The following SEPTIN9 variants were observed in gnomAD, a reference collection of about 807,000 sequenced individuals.
SEPTIN9 encodes septin-9.
SEPTIN9 carries 13 observed loss-of-function variants against 56.6 expected under a neutral mutation model. The ratio of observed to expected loss-of-function variants is 0.23; its 90% confidence interval spans 0.15 to 0.37. The LOEUF (loss-of-function observed/expected upper bound fraction) is 0.37. SEPTIN9 is among the 10% of genes least tolerant of loss of function. SEPTIN9 has a pLI of 1.00. For synonymous variants in SEPTIN9, 332 were observed against 334.1 expected (o/e 0.99, Z 0.07); for missense variants, 650 against 823.1 (o/e 0.79, Z 2.57).
intron 2 of SEPTIN9, among the ~76,000 whole-genome samples, chr17:77,351,755 G>A (rs1364752347): frequency 1.3e-5 from 2 of 152,236 alleles, no homozygotes; most frequent in Non-Finnish European, 2.9e-5. Flanking sequence ...GGAAATCTGT[G>A]AAATAAAGCA....
intron 3 of SEPTIN9, among the ~76,000 whole-genome samples, chr17:77,432,851 A>AGCTGTGGCCT (rs1411085708): frequency 6.6e-6 from 1 of 152,220 alleles, no homozygotes; most frequent in African/African-American, 2.4e-5. Flanking sequence ...CTGACTTGTG[A>AGCTGTGGCCT]GCTGTGGCCT....
At chr17:77,349,935 G>A (rs1215871991) in intron 2 of SEPTIN9, among the ~76,000 whole-genome samples, 1 of 152,204 alleles carries the variant, frequency 6.6e-6, no homozygotes, top group Non-Finnish European at 1.5e-5. Context: ...TGCCATGAGT[G>A]TGTAAAACCT....
rs778253722 is a variant in SEPTIN9, at chr17:77,317,476, G to A, written c.76+10279G>A. 7.9e-5 allele frequency among the ~76,000 whole-genome samples: 12 copies of A among 152,158 alleles called. No individual in the cohort carries two copies. Among genetic ancestry groups the A allele is most frequent in the East Asian group, 3.9e-4 (2 of 5,194 alleles). ...TTGGATTCTTATAGGAGAGTGAACC[G>A]TATTGTGAACGGCACATGTGAGGGA... On this transcript the variant is annotated intron_variant, in intron 2 of 11. Transcript: ENST00000427177. This position sits in a 1 kb window ranked among gnomAD's most constrained non-coding sequence, Gnocchi z 4.2.
Position 77,493,023 on chromosome 17 carries a change from A to C in SEPTIN9, c.1520A>C (p.Gln507Pro). ...FAVVGSDHEY[Q>P]VNGKRILGRK... ...GTGGTGGGCAGTGACCACGAGTACC[A>C]GGTCAACGGCAAGAGGATCCTTGGG... Residue 507 changes from glutamine to proline, a missense_variant, in exon 10 of 12, where the codon CAG becomes CCG. Transcript: ENST00000427177. The C allele has an allele frequency of 6.4e-7, 1 of 1,571,016 alleles. No homozygotes were observed. The highest frequency in any genetic ancestry group is 8.6e-7 in the Non-Finnish European group (1 of 1,158,456).
At chr17:77,477,046 A>G (rs1158565395) in intron 3 of SEPTIN9, among the ~76,000 whole-genome samples, 1 of 152,124 alleles carries the variant, frequency 6.6e-6, no homozygotes, top group Non-Finnish European at 1.5e-5. Flanking sequence ...TCCACTAGAA[A>G]TGACTGCCTT....
At chr17:77,480,622 G>C (rs1200122583) in intron 3 of SEPTIN9, among the ~76,000 whole-genome samples, 1 of 152,222 alleles carries the variant, frequency 6.6e-6, no homozygotes, top group Non-Finnish European at 1.5e-5. Context: ...CACGGGGGAT[G>C]AGCCCCCTGC....
Position 77,475,992 on chromosome 17 carries a change from A to G in SEPTIN9, c.722-6152A>G. ...AAGACAGGGGAATGGCATTGACTTG[A>G]CCCTGAGCACTTTGTCCTGGGGTGC... On this transcript the variant is annotated intron_variant, in intron 3 of 11. Coordinates refer to ENST00000427177, the MANE Select transcript of SEPTIN9 (RefSeq NM_001113491.2). This position sits in a 1 kb window ranked among gnomAD's most constrained non-coding sequence, Gnocchi z 4.6. 9 of 1,382,624 alleles carry G rather than the reference A, an allele frequency of 6.5e-6. No homozygotes were observed. The highest frequency in any genetic ancestry group is 9.0e-6 in the Non-Finnish European group (9 of 1,001,664). 85.6% of individuals were successfully genotyped at this position (1,382,624 alleles called of 1,614,324 possible). A position where few individuals can be genotyped will look rare whatever the true frequency, so the allele number is the denominator to read the frequency against.
chr17:77,357,428 A>G (rs1036800517), intron 2 of SEPTIN9, among the ~76,000 whole-genome samples: 41 of 152,158 alleles, frequency 2.7e-4, no homozygotes, highest in African/African-American at 2.4e-5. Context: ...ACATTCAGCC[A>G]TCACCTAGAT....
At position 77,421,196 on chromosome 17, in the gene SEPTIN9, C is replaced by T. The variant is rs116924730; in HGVS notation, c.721+18493C>T. Among the ~76,000 whole-genome samples, 2,050 of 152,322 alleles carry T rather than the reference C, an allele frequency of 0.013. 36 individuals carry two copies. The highest frequency in any genetic ancestry group is 0.018 in the Non-Finnish European group (1,196 of 68,032). The stretch of plus-strand genomic sequence containing the variant: ...CCTTCCAGCTCTTTCCTGTGTAAGG[C>T]GCCATGGGGTGAAATGAAAGAAAAC... On this transcript the variant is annotated intron_variant, in intron 3 of 11. Coordinates refer to ENST00000427177, the MANE Select transcript of SEPTIN9 (RefSeq NM_001113491.2). This position sits in a 1 kb window ranked among gnomAD's most constrained non-coding sequence, Gnocchi z 4.6.
rs201471541 is a variant in SEPTIN9 at position 77,488,763 on chromosome 17, C to T, written c.1161C>T (p.Tyr387=). ...TCATGAAGTTCATCAATGACCAGTA[C>T]GAGAAATACCTGCAGGAGGAGGTCA... ...QPIMKFINDQ[Y]EKYLQEEVNI... is the part of the protein sequence containing the mutation. The change falls in exon 7 of 12, where the codon TAC becomes TAT. Residue 387 remains tyrosine, a synonymous_variant. Transcript: ENST00000427177. 213 of 1,613,728 alleles carry T rather than the reference C, an allele frequency of 1.3e-4. No homozygotes were observed. Among genetic ancestry groups the T allele is most frequent in the Middle Eastern group, 1.6e-4 (1 of 6,084 alleles).
intron 1 of SEPTIN9, chr17:77,282,006 C>T (rs549081700): frequency 5.1e-5 from 8 of 158,200 alleles, no homozygotes; most frequent in Non-Finnish European, 1.1e-4. Context: ...TAGTGGGGCA[C>T]GGGACGGCCT....
chr17:77,472,221 C>A (rs1413966556), intron 3 of SEPTIN9, among the ~76,000 whole-genome samples: 1 of 152,136 alleles, frequency 6.6e-6, no homozygotes, highest in African/African-American at 2.4e-5. Context: ...GTGAGGAGCC[C>A]TTGGACCTTG....
chr17:77,288,710 T>A (rs2031389677), intron 1 of SEPTIN9, among the ~76,000 whole-genome samples: 1 of 152,150 alleles, frequency 6.6e-6, no homozygotes, highest in Non-Finnish European at 1.5e-5. Context: ...CTTGACTAAC[T>A]CAACCCAGAG....
chr17:77,294,458 G>A (rs2031713429), intron 1 of SEPTIN9: 1 of 161,364 alleles, frequency 6.2e-6, no homozygotes. Context: ...AATCTCCTTA[G>A]TTGATCAAAT....
rs1483681048 is a variant in SEPTIN9, at chr17:77,437,861, C to T, written c.721+35158C>T. On this transcript the variant is annotated intron_variant, in intron 3 of 11. Coordinates refer to ENST00000427177, the MANE Select transcript of SEPTIN9 (RefSeq NM_001113491.2). The surrounding 1 kb of genome is among the most constrained non-coding windows in gnomAD (Gnocchi z 5.3). ...AGTCAGGTGCCTCCCGAAGCTTCTC[C>T]CTGGCCCCAGGCCAGAGGTGACAGT... 6.6e-6 allele frequency among the ~76,000 whole-genome samples: 1 copy of T among 152,236 alleles called. No individual in the cohort carries two copies. The highest frequency in any genetic ancestry group is 1.5e-5 in the Non-Finnish European group (1 of 68,030).
chr17:77,421,459 T>TG lies in SEPTIN9; in HGVS notation c.721+18761dup, dbSNP rs994137912. Among the ~76,000 whole-genome samples the TG allele has an allele frequency of 2.1e-4, 32 of 151,622 alleles. No homozygotes were observed. The highest frequency in any genetic ancestry group is 4.0e-4 in the Non-Finnish European group (27 of 67,884). ...GGAAGTCTTTTGGCTGCGGTGGAGG[T>TG]GGGGGTCTGTGCTTCCCTGGGGACC... On this transcript the variant is annotated intron_variant, in intron 3 of 11. Transcript: ENST00000427177. This position sits in a 1 kb window ranked among gnomAD's most constrained non-coding sequence, Gnocchi z 4.6.
At chr17:77,493,653 T>C (rs1401235375) in intron 10 of SEPTIN9, among the ~76,000 whole-genome samples, 1 of 152,010 alleles carries the variant, frequency 6.6e-6, no homozygotes, top group African/African-American at 2.4e-5. Flanking sequence ...CCTTCCTCCT[T>C]CTGGTGGCGC....
At chr17:77,332,028 C>G (rs1344069791) in intron 2 of SEPTIN9, among the ~76,000 whole-genome samples, 1 of 152,082 alleles carries the variant, frequency 6.6e-6, no homozygotes, top group African/African-American at 2.4e-5. Context: ...GTAATCCCAG[C>G]ACTTTGGGAG....
chr17:77,492,546 G>T lies in SEPTIN9; in HGVS notation c.1381-75G>T. The stretch of plus-strand genomic sequence containing the variant: ...GCCTGGGGCAGCACACAGTGTGGAG[G>T]TCATGTGGCAAACACCAGTGGGTGG... On this transcript the variant is annotated intron_variant, in intron 8 of 11. Transcript: ENST00000427177. The surrounding 1 kb of genome is among the most constrained non-coding windows in gnomAD (Gnocchi z 5.4). 2 of 1,325,758 alleles carry T rather than the reference G, an allele frequency of 1.5e-6. No individual in the cohort carries two copies. The highest frequency in any genetic ancestry group is 2.2e-6 in the Non-Finnish European group (2 of 917,318). 82.1% of individuals were successfully genotyped at this position (1,325,758 alleles called of 1,614,324 possible).
Sources: allele counts gnomAD v4.1 joint callset (sites outside exome capture counted in the v4.1 genomes callset), GRCh38; gene constraint gnomAD v4.1.1; non-coding constraint Gnocchi (gnomAD v3.1); transcripts MANE v1.5; gene names NCBI Gene and HGNC (gene_info 2026-07-23, HGNC 2026-07-21).